PCDHA3: variants seen among roughly 807,000 people sequenced by gnomAD.
PCDHA3 encodes the protein protocadherin alpha-3.
PCDHA3 carries 41 observed loss-of-function variants against 62.2 expected under a neutral mutation model. The ratio of observed to expected loss-of-function variants is 0.66; its 90% CI spans 0.51 to 0.86. PCDHA3 has a LOEUF of 0.86. PCDHA3 is among the 40% of genes least tolerant of loss of function. The pLI is 0.00. For synonymous variants in PCDHA3, 640 were observed against 555.4 expected (o/e 1.15, Z -2.14); for missense variants, 1,304 against 1,241.2 (o/e 1.05, Z -0.76).
intron 3 of PCDHA3, among the ~76,000 whole-genome samples, chr5:141,004,289 CAG>C (rs1383902638): frequency 1.3e-5 from 2 of 152,130 alleles, no homozygotes; most frequent in Non-Finnish European, 2.9e-5. Context: ...GCTGAGCTCT[CAG>C]AGATGTTTGT....
At chr5:140,956,933 A>G (rs1243678543) in intron 1 of PCDHA3, among the ~76,000 whole-genome samples, 1 of 151,594 alleles carries the variant, frequency 6.6e-6, no homozygotes, top group Non-Finnish European at 1.5e-5. Flanking sequence ...TGGATATAGG[A>G]TAAAATTTAC....
intron 1 of PCDHA3, among the ~76,000 whole-genome samples, chr5:140,924,530 C>T (rs1263885513): frequency 6.6e-6 from 1 of 152,002 alleles, no homozygotes; most frequent in Non-Finnish European, 1.5e-5. Context: ...AGAGAATGCC[C>T]GAGCTACCCC....
At chr5:140,920,859 C>T in intron 1 of PCDHA3, among the ~76,000 whole-genome samples, 1 of 142,452 alleles carries the variant, frequency 7.0e-6, no homozygotes, top group African/African-American at 2.6e-5. Flanking sequence ...AAAAAAAAAA[C>T]AAACAAACTG....
chr5:140,812,426 A>G (rs1765106358), intron 1 of PCDHA3: 1 of 151,998 alleles, frequency 6.6e-6, no homozygotes, highest in African/African-American at 2.4e-5. Context: ...TTTTTTCAAA[A>G]AATCAACTAA....
At position 140,849,854 on chromosome 5, in the gene PCDHA3, A is replaced by T. The variant is rs1431626107; in HGVS notation, c.2394+46263A>T. 3.8e-6 allele frequency: 6 copies of T among 1,598,364 alleles called. 1 individual carries two copies. Among genetic ancestry groups the T allele is most frequent in the East Asian group, 2.2e-5 (1 of 44,850 alleles). On this transcript the variant is annotated intron_variant, in intron 1 of 3. Coordinates refer to ENST00000522353, the MANE Select transcript of PCDHA3 (RefSeq NM_018906.3). ...TGGCCGACGTGAACGACAACGCACC[A>T]GCGTTCGCGCAGTCCGAGTACACGG...
intron 1 of PCDHA3, among the ~76,000 whole-genome samples, chr5:140,945,334 A>G (rs1352254498): frequency 6.6e-6 from 1 of 152,134 alleles, no homozygotes; most frequent in Non-Finnish European, 1.5e-5. Flanking sequence ...TTTTATGTTC[A>G]TAGCTTGGAA....
At chr5:140,937,316 C>T (rs1355509287) in intron 1 of PCDHA3, among the ~76,000 whole-genome samples, 7 of 152,044 alleles carry the variant, frequency 4.6e-5, no homozygotes, top group Admixed American at 3.9e-4. Context: ...GGATTACAGG[C>T]GTGAGCCACC....
intron 1 of PCDHA3, chr5:140,966,279 G>C (rs1429727504): frequency 3.3e-5 from 12 of 364,508 alleles, no homozygotes; most frequent in Non-Finnish European, 4.9e-5. Context: ...ACTGGACAGT[G>C]GGGGTAGGGA....
chr5:140,928,904 G>T, intron 1 of PCDHA3: 1 of 1,614,180 alleles, frequency 6.2e-7, no homozygotes, highest in Non-Finnish European at 8.5e-7. Flanking sequence ...GAAGATGTCT[G>T]GGAACCAGGA....
At chr5:140,934,952 C>T (rs1007494400) in intron 1 of PCDHA3, among the ~76,000 whole-genome samples, 22 of 152,218 alleles carry the variant, frequency 1.4e-4, no homozygotes, top group African/African-American at 5.1e-4. Flanking sequence ...AGAGAGATCC[C>T]ATGTGCTTGT....
chr5:140,842,302 T>A (rs1554138952), intron 1 of PCDHA3: 3 of 1,609,802 alleles, frequency 1.9e-6, no homozygotes, highest in Non-Finnish European at 2.6e-6. Flanking sequence ...ACAAAGGCCA[T>A]CCTCCCATGG....
At chr5:140,847,774 C>T (rs1554141905) in intron 1 of PCDHA3, 2 of 149,772 alleles carry the variant, frequency 1.3e-5, no homozygotes, top group East Asian at 3.9e-4. Context: ...AGTCAATTCT[C>T]GCTTTTCTTG....
chr5:140,870,096 T>C, intron 1 of PCDHA3: 1 of 1,613,854 alleles, frequency 6.2e-7, no homozygotes, highest in Non-Finnish European at 8.5e-7. Context: ...CAATGGCAGG[T>C]CACTGTACAG....
At chr5:140,823,490 C>T (rs2150126315) in intron 1 of PCDHA3, 6 of 1,613,236 alleles carry the variant, frequency 3.7e-6, no homozygotes, top group Admixed American at 1.7e-5. Context: ...GTGGGTGGCA[C>T]CGGCGGCGCA....
chr5:140,841,468 G>A, intron 1 of PCDHA3: 1 of 1,612,986 alleles, frequency 6.2e-7, no homozygotes, highest in Non-Finnish European at 8.5e-7. Context: ...GCCGGATCGC[G>A]CAGGACCTGG....
At chr5:140,821,418 G>C (rs1347412818) in intron 1 of PCDHA3, 2 of 182,750 alleles carry the variant, frequency 1.1e-5, no homozygotes, top group Middle Eastern at 2.5e-3. Flanking sequence ...AGAGTTTAAT[G>C]ATATATTTTG....
At chr5:140,854,039 C>G (rs1301679696) in intron 1 of PCDHA3, 1 of 287,104 alleles carries the variant, frequency 3.5e-6, no homozygotes, top group Admixed American at 6.8e-5. Context: ...GCACACATCT[C>G]TAGTCCCAAT....
intron 1 of PCDHA3, among the ~76,000 whole-genome samples, chr5:140,846,375 T>TG (rs1272448180): frequency 8.0e-6 from 1 of 125,456 alleles, no homozygotes; most frequent in African/African-American, 3.3e-5. Flanking sequence ...CTTTCTTTCT[T>TG]TTTTTTTTTT....
intron 2 of PCDHA3, among the ~76,000 whole-genome samples, chr5:140,981,701 C>A (rs546149642): frequency 5.3e-5 from 8 of 152,268 alleles, no homozygotes; most frequent in African/African-American, 1.9e-4. Context: ...TTCATTCATT[C>A]ATTCATTCAT....
Sources: gnomAD v4.1 joint callset for allele counts (sites outside exome capture counted in the v4.1 genomes callset) on GRCh38, gnomAD v4.1.1 for gene constraint, MANE v1.5 for transcripts, NCBI Gene and HGNC (gene_info 2026-07-23, HGNC 2026-07-21) for gene names.